ZGRF1: variants seen among roughly 807,000 people sequenced by gnomAD.
The protein encoded by ZGRF1 is zinc finger GRF-type containing 1.
A neutral mutation model predicts 203.5 loss-of-function variants in ZGRF1; 196 were observed. That is an observed-to-expected ratio of 0.96 (90% CI 0.86 to 1.08). ZGRF1 has a LOEUF of 1.08. Among genes scored for constraint, ZGRF1 ranks in the 50% least tolerant of loss-of-function variants. The pLI, the probability that ZGRF1 is intolerant of heterozygous loss-of-function variation, is 0.00. For synonymous variants in ZGRF1, 809 were observed against 841.3 expected (o/e 0.96, Z 0.66); for missense variants, 2,326 against 2,416.3 (o/e 0.96, Z 0.78).
At chr4:112,544,542 G>C (rs547811849) in intron 24 of ZGRF1, among the ~76,000 whole-genome samples, 21 of 152,308 alleles carry the variant, frequency 1.4e-4, no homozygotes, top group African/African-American at 4.8e-4. Flanking sequence ...CCCTTTCCCA[G>C]AGAAGGGATA....
At chr4:112,567,057 A>C (rs1222334905) in intron 16 of ZGRF1, among the ~76,000 whole-genome samples, 2 of 152,200 alleles carry the variant, frequency 1.3e-5, no homozygotes, top group Non-Finnish European at 2.9e-5. Flanking sequence ...CCAAACTCCT[A>C]GGGCTAAAGA....
At chr4:112,560,617 T>G in intron 19 of ZGRF1, 116 bp downstream of exon 19, 4 of 886,994 alleles carry the variant, frequency 4.5e-6, no homozygotes, top group East Asian at 2.4e-5. Flanking sequence ...GTTTAAAAAG[T>G]CTACTTAGAG....
chr4:112,626,919 C>A (rs950601884), intron 3 of ZGRF1, among the ~76,000 whole-genome samples: 3 of 152,100 alleles, frequency 2.0e-5, no homozygotes, highest in African/African-American at 7.2e-5. Context: ...GATTCTTGGG[C>A]CTCAATCTCT....
At chr4:112,586,820 T>C (rs1747271995) in intron 12 of ZGRF1, among the ~76,000 whole-genome samples, 1 of 152,224 alleles carries the variant, frequency 6.6e-6, no homozygotes, top group African/African-American at 2.4e-5. Context: ...AGTAAGTTTT[T>C]ATATATTTTT....
chr4:112,623,929 T>C, intron 3 of ZGRF1, 53 bp from the exon 4 acceptor site: 1 of 898,894 alleles, frequency 1.1e-6, no homozygotes, highest in Non-Finnish European at 1.8e-6. Context: ...TATGCTTTTC[T>C]TAAACTTCTT....
At chr4:112,600,582 T>C (rs182835608) in intron 10 of ZGRF1, among the ~76,000 whole-genome samples, 2 of 152,070 alleles carry the variant, frequency 1.3e-5, no homozygotes, top group Admixed American at 1.3e-4. Flanking sequence ...TCCCAGCTAC[T>C]TGGGAGGCTG....
chr4:112,560,904 GTAGTTCAAAT>G lies in ZGRF1; in HGVS notation c.4779_4788del (p.Lys1593AsnfsTer4), dbSNP rs1741843596. On this transcript the variant is annotated frameshift_variant, in exon 19 of 28. Coordinates refer to ENST00000505019, the MANE Select transcript of ZGRF1 (RefSeq NM_018392.5). LOFTEE classifies it high-confidence loss of function. Reference sequence around the variant, plus strand: ...AACTTCAATGTTGCTCCTAGGCTGAGTAGTTCAAATTTTGTACTGACATTTGTGAAGGCTG... The same window carrying G: ...AACTTCAATGTTGCTCCTAGGCTGAGTTTGTACTGACATTTGTGAAGGCTG... The G allele has an allele frequency of 6.2e-7, 1 of 1,613,494 alleles. No individual in the cohort carries two copies. Among genetic ancestry groups the G allele is most frequent in the East Asian group, 2.2e-5 (1 of 44,822 alleles).
At chr4:112,617,377 TTC>T (rs757879208) in intron 6 of ZGRF1, 61 bp downstream of exon 6, 1 of 1,232,306 alleles carries the variant, frequency 8.1e-7, no homozygotes, top group African/African-American at 1.5e-5. Flanking sequence ...AGCTAATATC[TTC>T]TTTCTTTATA....
In ZGRF1 at chr4:112,605,928, CTTGT is replaced by C. The variant is rs903131537; in HGVS notation, c.2802+76_2802+79del. 7.5e-5 allele frequency: 70 copies of C among 927,440 alleles called. No individual in the cohort carries two copies. The South Asian group carries it at 9.5e-4, about 13-fold the overall frequency. 57.5% of individuals were successfully genotyped at this position (927,440 alleles called of 1,614,324 possible). On this transcript the variant is annotated intron_variant, in intron 9 of 27. Transcript: ENST00000505019. ...CCTTCTGCCTGTGAAAACTCTGATA[CTTGT>C]TTTTTTGTTTTTTTGTTTTAAACAG...
intron 10 of ZGRF1, among the ~76,000 whole-genome samples, chr4:112,601,119 T>C (rs1018692111): frequency 2.2e-5 from 3 of 137,858 alleles, no homozygotes; most frequent in African/African-American, 8.3e-5. Context: ...AAAAAAAAAA[T>C]GATAAACTAG....
Position 112,606,111 on chromosome 4 carries a change from A to C in ZGRF1, c.2719-20T>G. ...AGAGAACTAGGATAAAATATGAATA[A>C]GTTATCTAGTTAGCTAGAATAGTTT... On this transcript the variant is annotated intron_variant, in intron 8 of 27. Coordinates refer to ENST00000505019, the MANE Select transcript of ZGRF1 (RefSeq NM_018392.5). 1 of 1,354,162 alleles carries C rather than the reference A, an allele frequency of 7.4e-7. No homozygotes were observed. The allele number at this position is 1,354,162 out of a possible 1,614,324, so 83.9% of individuals were successfully genotyped here.
intron 3 of ZGRF1, 184 bp from the exon 4 acceptor site, chr4:112,624,060 A>T: frequency 4.3e-6 from 2 of 461,324 alleles, no homozygotes; most frequent in Non-Finnish European, 3.9e-6. Flanking sequence ...TGTTTAAGAG[A>T]GTAAAGGCAT....
At chr4:112,566,363 A>C (rs1005284770) in intron 16 of ZGRF1, among the ~76,000 whole-genome samples, 9 of 120,304 alleles carry the variant, frequency 7.5e-5, no homozygotes, top group African/African-American at 2.8e-4. Flanking sequence ...GGGGGGAGGG[A>C]TAGCTTTAGG....
rs1259175820 is a variant in ZGRF1, at chr4:112,545,269, T to TA, written c.5598+2015dup. Reference sequence around the variant, plus strand: ...AAAGGATTAATTTCCAGAATATATTTAAAAAAAAAAACCTCCTATAACTCA... The same window carrying TA: ...AAAGGATTAATTTCCAGAATATATTTAAAAAAAAAAAACCTCCTATAACTCA... On this transcript the variant is annotated intron_variant, in intron 24 of 27. Coordinates refer to ENST00000505019, the MANE Select transcript of ZGRF1 (RefSeq NM_018392.5). Among the ~76,000 whole-genome samples the TA allele has an allele frequency of 4.4e-3, 645 of 145,640 alleles. 6 individuals are homozygous for TA. Among genetic ancestry groups the TA allele is most frequent in the East Asian group, 0.015 (78 of 5,048 alleles).
intron 16 of ZGRF1, among the ~76,000 whole-genome samples, chr4:112,568,667 C>G (rs1560776947): frequency 7.1e-6 from 1 of 140,014 alleles, no homozygotes; most frequent in Non-Finnish European, 1.5e-5. Flanking sequence ...GCCCAGATTG[C>G]ACCACTGCAT....
intron 24 of ZGRF1, among the ~76,000 whole-genome samples, chr4:112,543,739 G>C (rs563221776): frequency 2.0e-5 from 3 of 152,188 alleles, no homozygotes; most frequent in Non-Finnish European, 2.9e-5. Flanking sequence ...ATGGTTGGGG[G>C]ACAGGAGGAG....
chr4:112,618,815 G>A lies in ZGRF1; in HGVS notation c.1227C>T (p.Phe409=), dbSNP rs779372005. ...TAACCTGTAAGCTACTGCTTTCATT[G>A]AATGAAGGAATTTCTAATTTTACTT... is the stretch of plus-strand genomic sequence containing the variant. ...NQEVKLEIPS[F]NESSSLQVTC... The change falls in exon 6 of 28, where the codon TTC becomes TTT. Residue 409 remains phenylalanine (F), a synonymous_variant. Coordinates refer to ENST00000505019, the MANE Select transcript of ZGRF1 (RefSeq NM_018392.5). 15 of 1,612,644 alleles carry A rather than the reference G, an allele frequency of 9.3e-6. 1 individual carries two copies. The highest frequency in any genetic ancestry group is 3.3e-5 in the Admixed American group (2 of 59,972).
intron 7 of ZGRF1, among the ~76,000 whole-genome samples, chr4:112,612,156 G>T (rs1054067660): frequency 1.3e-5 from 2 of 152,046 alleles, no homozygotes; most frequent in African/African-American, 4.8e-5. Context: ...AGTAGAGATG[G>T]GGTTTCACCA....
chr4:112,631,921 T>A lies in ZGRF1; in HGVS notation c.102+9A>T. On this transcript the variant is annotated intron_variant, in intron 3 of 27. Coordinates refer to ENST00000505019, the MANE Select transcript of ZGRF1 (RefSeq NM_018392.5). ...TCTTGCACCCTATAGTCAACTGCTTTGTACTCACTTTGTTTCCTAAGTGAG... is the reference window on the plus strand; with the variant it reads ...TCTTGCACCCTATAGTCAACTGCTTAGTACTCACTTTGTTTCCTAAGTGAG... 6.4e-7 allele frequency: 1 copy of A among 1,551,762 alleles called. No individual in the cohort carries two copies. The highest frequency in any genetic ancestry group is 8.8e-7 in the Non-Finnish European group (1 of 1,142,372).
Sources: gnomAD v4.1 joint callset for allele counts (sites outside exome capture counted in the v4.1 genomes callset) on GRCh38, gnomAD v4.1.1 for gene constraint, MANE v1.5 for transcripts, NCBI Gene and HGNC (gene_info 2026-07-23, HGNC 2026-07-21) for gene names.